The following ANXA9 variants were observed in gnomAD, a reference collection of about 807,000 sequenced individuals.
ANXA9 encodes annexin 31.
ANXA9 carries 47 observed loss-of-function variants against 51.8 expected under a neutral mutation model. The ratio of observed to expected loss-of-function variants is 0.91; its 90% CI spans 0.72 to 1.16. The LOEUF (loss-of-function observed/expected upper bound fraction) is 1.16, where lower values mean the gene tolerates loss of function less well. ANXA9 is among the 50% of genes most tolerant of loss of function. The pLI, the probability that ANXA9 is intolerant of heterozygous loss-of-function variation, is 0.00. For missense variants in ANXA9, 361 were observed against 424.7 expected (o/e 0.85, Z 1.32); for synonymous variants, 154 against 168.7 (o/e 0.91, Z 0.68).
At chr1:150,977,592 A>G (rs999060839), upstream of ANXA9, among the ~76,000 whole-genome samples, 2 of 152,226 alleles carry the variant, frequency 1.3e-5, no homozygotes, top group Admixed American at 1.3e-4. Flanking sequence ...CCCCGAGTTT[A>G]GATATCTGGG....
chr1:150,993,881 G>A (rs1377923006), intron 12 of ANXA9, among the ~76,000 whole-genome samples: 10 of 151,794 alleles, frequency 6.6e-5, no homozygotes, highest in East Asian at 1.9e-4. Context: ...TGATCCACGC[G>A]CCTCATCCTC....
chr1:150,987,989 C>G (rs755134078), intron 10 of ANXA9, 33 bp downstream of exon 10: 1 of 1,613,894 alleles, frequency 6.2e-7, no homozygotes, highest in East Asian at 2.2e-5. Flanking sequence ...CCCTAGCTTG[C>G]TCTAATGATC....
intron 10 of ANXA9, 67 bp from the exon 11 acceptor site, chr1:150,988,024 G>T: frequency 6.2e-7 from 1 of 1,613,626 alleles, no homozygotes; most frequent in Non-Finnish European, 8.5e-7. Context: ...AAGGTGGGGA[G>T]GGCCCATCCT....
At chr1:150,980,567 G>A (rs1188167416), upstream of ANXA9, among the ~76,000 whole-genome samples, 1 of 143,310 alleles carries the variant, frequency 7.0e-6, no homozygotes, top group African/African-American at 2.6e-5. Context: ...CAATTACACA[G>A]ATTACTTTTT....
intron 12 of ANXA9, among the ~76,000 whole-genome samples, chr1:150,989,417 G>A (rs913801666): frequency 7.9e-5 from 12 of 151,818 alleles, no homozygotes; most frequent in South Asian, 4.2e-4. Context: ...CAGGAAGGGC[G>A]CAGTGGCTCA....
intron 12 of ANXA9, 73 bp downstream of exon 12, chr1:150,988,414 A>G: frequency 1.3e-6 from 2 of 1,560,166 alleles, no homozygotes; most frequent in Non-Finnish European, 1.8e-6. Context: ...CTTGCTGCTT[A>G]TGTAACCATC....
upstream of ANXA9, among the ~76,000 whole-genome samples, chr1:150,981,048 C>T (rs185681018): frequency 1.1e-3 from 161 of 152,224 alleles, no homozygotes; most frequent in African/African-American, 3.7e-3. Context: ...CCACAGCCTC[C>T]GTCTCTCTCA....
rs1028463218 is a variant in ANXA9 at position 150,988,102 on chromosome 1, T to C, written c.709T>C (p.Tyr237His). Residue 237 changes from tyrosine to histidine, a missense_variant, in exon 11 of 14, where the codon TAC becomes CAC. Tyr to His is a moderately conservative substitution (Grantham distance 83). Coordinates refer to ENST00000368947, the MANE Select transcript of ANXA9 (RefSeq NM_003568.3). Reference sequence around the variant, plus strand: ...CCTACACACACAAGTGTTTGATCAGTACCAGCGGAGCACTGGGCAAGAGCT... The same window carrying C: ...CCTACACACACAAGTGTTTGATCAGCACCAGCGGAGCACTGGGCAAGAGCT... ...PEHLIRVFDQ[Y>H]QRSTGQELEE... 2 of 1,614,116 alleles carry C rather than the reference T, an allele frequency of 1.2e-6. No individual in the cohort carries two copies. Among genetic ancestry groups the C allele is most frequent in the African/African-American group, 2.7e-5 (2 of 74,940 alleles).
At chr1:150,986,549 A>G (rs1366142360) in intron 8 of ANXA9, 53 bp from the exon 9 acceptor site, 1 of 1,598,594 alleles carries the variant, frequency 6.3e-7, no homozygotes, top group African/African-American at 1.3e-5. Flanking sequence ...TGTTGGTCTG[A>G]AGATAAAAAG....
rs757089916 is a variant in ANXA9 at position 150,986,671 on chromosome 1, G to C, written c.612+10G>C. On this transcript the variant is annotated intron_variant, in intron 9 of 13. Transcript: ENST00000368947. ...AGAACAAGATGTCCAGGTGAGCAGG[G>C]GGTTTAGGAGTGTGCACAGCCGCCA... The C allele has an allele frequency of 6.3e-7, 1 of 1,584,722 alleles. No homozygotes were observed. The highest frequency in any genetic ancestry group is 2.0e-5 in the Admixed American group (1 of 49,626).
intron 12 of ANXA9, among the ~76,000 whole-genome samples, chr1:150,989,532 A>G (rs1029048578): frequency 4.6e-5 from 7 of 151,962 alleles, no homozygotes; most frequent in Non-Finnish European, 1.5e-5. Flanking sequence ...CTCTACTAAA[A>G]ATACAAAAAT....
At chr1:150,986,857 G>A (rs1161357857) in intron 9 of ANXA9, among the ~76,000 whole-genome samples, 196 bp downstream of exon 9, 5 of 152,094 alleles carry the variant, frequency 3.3e-5, no homozygotes, top group African/African-American at 1.2e-4. Flanking sequence ...CACTCATCTA[G>A]CCTCTGACTC....
At chr1:150,978,869 C>G (rs1406983720), upstream of ANXA9, among the ~76,000 whole-genome samples, 2 of 151,860 alleles carry the variant, frequency 1.3e-5, no homozygotes, top group Non-Finnish European at 2.9e-5. Flanking sequence ...GAGGTTGAGG[C>G]AGGAGAATTG....
chr1:150,984,224 C>T, intron 5 of ANXA9, 57 bp from the exon 6 acceptor site: 3 of 1,566,260 alleles, frequency 1.9e-6, no homozygotes, highest in Non-Finnish European at 2.6e-6. Context: ...CCTCCCCACA[C>T]TTCTGGGGCC....
At chr1:150,992,739 C>T (rs587615372) in intron 12 of ANXA9, among the ~76,000 whole-genome samples, 2 of 152,154 alleles carry the variant, frequency 1.3e-5, no homozygotes, top group South Asian at 2.1e-4. Context: ...ACCTGGGAGG[C>T]GGAGGTTGCA....
upstream of ANXA9, among the ~76,000 whole-genome samples, chr1:150,981,541 A>T (rs1671416220): frequency 6.6e-6 from 1 of 152,172 alleles, no homozygotes; most frequent in African/African-American, 2.4e-5. Context: ...GGGTTGCATC[A>T]CCTGCAGCTA....
At position 150,991,604 on chromosome 1, in the gene ANXA9, C is replaced by T. The variant is rs587695978; in HGVS notation, c.853-2973C>T. 2.2e-4 allele frequency among the ~76,000 whole-genome samples: 34 copies of T among 152,072 alleles called. 1 individual carries two copies. Among genetic ancestry groups the T allele is most frequent in the African/African-American group, 7.2e-4 (30 of 41,456 alleles). ...GTCGCTAGGCTGGAGTGCAGTGGCACGATCTTGGCTCACTGCAACCTCCAC... is the reference window on the plus strand; with the variant it reads ...GTCGCTAGGCTGGAGTGCAGTGGCATGATCTTGGCTCACTGCAACCTCCAC... On this transcript the variant is annotated intron_variant, in intron 12 of 13. Transcript: ENST00000368947.
At chr1:150,989,245 C>T (rs587654566) in intron 12 of ANXA9, among the ~76,000 whole-genome samples, 1 of 152,036 alleles carries the variant, frequency 6.6e-6, no homozygotes, top group East Asian at 2.0e-4. Context: ...TCCCGAAGTG[C>T]TAGGATTACA....
upstream of ANXA9, among the ~76,000 whole-genome samples, chr1:150,980,805 C>T (rs1181343664): frequency 2.6e-5 from 4 of 152,092 alleles, no homozygotes; most frequent in Admixed American, 1.3e-4. Flanking sequence ...TGGTCTCGAT[C>T]TCCTGCCTCA....
Sources: allele counts gnomAD v4.1 joint callset (sites outside exome capture counted in the v4.1 genomes callset), GRCh38; gene constraint gnomAD v4.1.1; transcripts MANE v1.5; gene names NCBI Gene and HGNC (gene_info 2026-07-23, HGNC 2026-07-21).